The following WASF2 variants were observed in gnomAD, a reference collection of about 807,000 sequenced individuals.
WASF2 encodes WASP family member 2.
In WASF2, 14 loss-of-function variants were observed where a neutral mutation model predicts 45.0. The ratio of observed to expected loss-of-function variants is 0.31; its 90% CI spans 0.21 to 0.49. The LOEUF is 0.49. Among genes scored for constraint, WASF2 ranks in the 20% least tolerant of loss-of-function variants. The pLI is 0.99. For missense variants in WASF2, 439 were observed against 636.1 expected (o/e 0.69, Z 3.33); for synonymous variants, 200 against 236.3 (o/e 0.85, Z 1.41).
chr1:27,460,838 T>C (rs1571153239), intron 1 of WASF2, among the ~76,000 whole-genome samples: 1 of 152,322 alleles, frequency 6.6e-6, no homozygotes, highest in Non-Finnish European at 1.5e-5. Context: ...TTCAGCTGTA[T>C]AACCTTAGAA....
At chr1:27,432,309 AAAT>A (rs1222319784) in intron 1 of WASF2, among the ~76,000 whole-genome samples, 1 of 152,106 alleles carries the variant, frequency 6.6e-6, no homozygotes, top group Non-Finnish European at 1.5e-5. Context: ...TAGAGACATT[AAAT>A]AATATATATA....
At chr1:27,454,176 TATATA>T (rs2017430875) in intron 1 of WASF2, among the ~76,000 whole-genome samples, 1 of 11,644 alleles carries the variant, frequency 8.6e-5, no homozygotes, top group Admixed American at 1.3e-3. Flanking sequence ...TATATATATA[TATATA>T]TATATATTTT....
intron 2 of WASF2, among the ~76,000 whole-genome samples, chr1:27,419,513 G>T (rs944106627): frequency 2.0e-5 from 3 of 152,234 alleles, no homozygotes; most frequent in Admixed American, 2.0e-4. Context: ...TACTGGGGAG[G>T]TTGAGGCAGG....
intron 2 of WASF2, among the ~76,000 whole-genome samples, chr1:27,427,030 T>C (rs2016995185): frequency 6.6e-6 from 1 of 152,202 alleles, no homozygotes; most frequent in South Asian, 2.1e-4. Flanking sequence ...CCCTTGTAGA[T>C]TATGAGTCCT....
chr1:27,462,919 A>G (rs961787238), intron 1 of WASF2, among the ~76,000 whole-genome samples: 3 of 152,072 alleles, frequency 2.0e-5, no homozygotes, highest in Admixed American at 6.6e-5. Flanking sequence ...TCCTGCGTTC[A>G]AGCATTTCTT....
chr1:27,465,016 ATTTTT>A (rs1311177580), intron 1 of WASF2, among the ~76,000 whole-genome samples: 1 of 152,084 alleles, frequency 6.6e-6, no homozygotes, highest in Non-Finnish European at 1.5e-5. Flanking sequence ...CTTTACTTTT[ATTTTT>A]TATTTCCGAA....
intron 1 of WASF2, among the ~76,000 whole-genome samples, chr1:27,443,079 G>C (rs1159363913): frequency 1.3e-5 from 2 of 150,828 alleles, no homozygotes; most frequent in Non-Finnish European, 2.9e-5. Context: ...TGGGGGGATT[G>C]CCTGAGCCCA....
At chr1:27,456,316 T>TAAA (rs61319408) in intron 1 of WASF2, among the ~76,000 whole-genome samples, 4 of 95,322 alleles carry the variant, frequency 4.2e-5, no homozygotes, top group African/African-American at 1.6e-4. Context: ...AGCGAGACTC[T>TAAA]AAAAAAAAAA....
At chr1:27,487,335 G>A (rs996914792) in intron 1 of WASF2, among the ~76,000 whole-genome samples, 40 of 141,896 alleles carry the variant, frequency 2.8e-4, no homozygotes, top group Non-Finnish European at 3.9e-4. Context: ...TCCCGACCTC[G>A]TGATCCACCC....
At chr1:27,428,662 G>A in intron 2 of WASF2, 99 bp downstream of exon 2, 3 of 1,583,886 alleles carry the variant, frequency 1.9e-6, no homozygotes, top group Non-Finnish European at 2.6e-6. Context: ...CCTAGGGAAG[G>A]CAGATGGGGG....
At chr1:27,472,136 C>T (rs2017697262) in intron 1 of WASF2, among the ~76,000 whole-genome samples, 1 of 151,860 alleles carries the variant, frequency 6.6e-6, no homozygotes. Context: ...ATGGAGACCA[C>T]CCTGCCCAAC....
chr1:27,475,829 T>C (rs1276066217), intron 1 of WASF2, among the ~76,000 whole-genome samples: 3 of 152,174 alleles, frequency 2.0e-5, no homozygotes, highest in Non-Finnish European at 4.4e-5. Context: ...GGTTTCACCA[T>C]GTTACCCAGG....
intron 1 of WASF2, among the ~76,000 whole-genome samples, chr1:27,459,133 A>G (rs2017512955): frequency 6.6e-6 from 1 of 152,094 alleles, no homozygotes; most frequent in Non-Finnish European, 1.5e-5. Flanking sequence ...TAAAAAAAAA[A>G]AAAAGTTTCA....
At chr1:27,425,305 C>T (rs1206073556) in intron 2 of WASF2, among the ~76,000 whole-genome samples, 1 of 152,166 alleles carries the variant, frequency 6.6e-6, no homozygotes, top group Admixed American at 6.5e-5. Flanking sequence ...CAGGACTGGT[C>T]TCGAACTCCT....
At chr1:27,419,123 T>C (rs371665931) in intron 2 of WASF2, 35 bp from the exon 3 acceptor site, 59 of 1,608,806 alleles carry the variant, frequency 3.7e-5, no homozygotes, top group Non-Finnish European at 5.0e-5. Flanking sequence ...CACTAGTGCA[T>C]AGAAGTAACG....
chr1:27,459,012 G>A (rs1006323531), intron 1 of WASF2, among the ~76,000 whole-genome samples: 1 of 151,452 alleles, frequency 6.6e-6, no homozygotes, highest in Non-Finnish European at 1.5e-5. Flanking sequence ...TGTAATCCCA[G>A]CTACTCAGGA....
intron 1 of WASF2, among the ~76,000 whole-genome samples, chr1:27,454,202 TTTTTTTTA>T (rs2017435968): frequency 7.2e-6 from 1 of 138,300 alleles, no homozygotes; most frequent in East Asian, 2.1e-4. Flanking sequence ...TTTTTTTTTT[TTTTTTTTA>T]AAGATACAGG....
intron 2 of WASF2, among the ~76,000 whole-genome samples, chr1:27,422,411 A>T (rs1048372040): frequency 6.6e-6 from 1 of 151,868 alleles, no homozygotes; most frequent in African/African-American, 2.4e-5. Flanking sequence ...CGAGGTCAGG[A>T]GATCACAACC....
At chr1:27,467,476 AT>A (rs1020488296) in intron 1 of WASF2, among the ~76,000 whole-genome samples, 1 of 149,582 alleles carries the variant, frequency 6.7e-6, no homozygotes, top group African/African-American at 2.4e-5. Context: ...AACTTTTTGG[AT>A]TTTTTAGTAG....
Sources: allele counts gnomAD v4.1 joint callset (sites outside exome capture counted in the v4.1 genomes callset), GRCh38; gene constraint gnomAD v4.1.1; transcripts MANE v1.5; gene names NCBI Gene and HGNC (gene_info 2026-07-23, HGNC 2026-07-21).